Variants in ROR1 observed in about 807,000 individuals in gnomAD.
The protein encoded by ROR1 is inactive tyrosine-protein kinase transmembrane receptor ROR1.
ROR1 carries 19 observed loss-of-function variants against 78.8 expected under a neutral mutation model. That is an observed-to-expected ratio of 0.24 (90% CI 0.17 to 0.35). The LOEUF (loss-of-function observed/expected upper bound fraction) is 0.35. Among genes scored for constraint, ROR1 ranks in the 10% least tolerant of loss-of-function variants. ROR1 has a pLI of 1.00. For synonymous variants in ROR1, 386 were observed against 433.6 expected (o/e 0.89, Z 1.36); for missense variants, 917 against 1,177.8 (o/e 0.78, Z 3.24).
chr1:64,166,245 T>C (rs185298220), intron 8 of ROR1, among the ~76,000 whole-genome samples: 64 of 152,316 alleles, frequency 4.2e-4, no homozygotes, highest in African/African-American at 1.5e-3. Context: ...TCTGCACCAG[T>C]ACCATGCTCT....
chr1:64,129,702 A>G (rs1175341850), intron 4 of ROR1, among the ~76,000 whole-genome samples: 1 of 152,226 alleles, frequency 6.6e-6, no homozygotes, highest in East Asian at 1.9e-4. Flanking sequence ...TCTTTTGATT[A>G]GCAGTCTTCT....
intron 1 of ROR1, among the ~76,000 whole-genome samples, chr1:63,809,022 A>G (rs957716374): frequency 6.6e-6 from 1 of 152,280 alleles, no homozygotes; most frequent in African/African-American, 2.4e-5. Context: ...ATTCATGGCC[A>G]TTTGGAACTG....
intron 1 of ROR1, among the ~76,000 whole-genome samples, chr1:63,842,109 CAA>C (rs1291113135): frequency 6.6e-6 from 1 of 152,104 alleles, no homozygotes. Flanking sequence ...AACAAACAAA[CAA>C]AAAAACCAGA....
intron 1 of ROR1, among the ~76,000 whole-genome samples, chr1:63,967,992 T>A (rs1202238207): frequency 2.6e-5 from 4 of 152,210 alleles, no homozygotes; most frequent in Non-Finnish European, 5.9e-5. Context: ...ACAAATTCCT[T>A]CTTACATTTT....
At chr1:63,964,248 A>G (rs941045659) in intron 1 of ROR1, among the ~76,000 whole-genome samples, 16 of 152,220 alleles carry the variant, frequency 1.1e-4, no homozygotes. Context: ...TAGCAGGCAC[A>G]CAGCAAATGC....
chr1:63,880,555 C>T (rs1645315530), intron 1 of ROR1, among the ~76,000 whole-genome samples: 1 of 152,128 alleles, frequency 6.6e-6, no homozygotes, highest in African/African-American at 2.4e-5. Context: ...CAAAGTCTTT[C>T]TTTATAATCT....
intron 1 of ROR1, among the ~76,000 whole-genome samples, chr1:63,850,468 G>A (rs988675069): frequency 5.3e-5 from 8 of 152,206 alleles, no homozygotes; most frequent in South Asian, 2.1e-4. Flanking sequence ...ATGCCAGTGC[G>A]AGCTCCTTCC....
At chr1:63,893,229 G>A (rs1645411784) in intron 1 of ROR1, among the ~76,000 whole-genome samples, 1 of 152,022 alleles carries the variant, frequency 6.6e-6, no homozygotes, top group South Asian at 2.1e-4. Context: ...GCAGTGAGGC[G>A]TGAAACCTCA....
At chr1:64,023,228 A>G (rs1646579790) in intron 2 of ROR1, among the ~76,000 whole-genome samples, 1 of 152,194 alleles carries the variant, frequency 6.6e-6, no homozygotes, top group Admixed American at 6.5e-5. Context: ...GCATCGAGTC[A>G]GAGGAGCTCA....
intron 1 of ROR1, among the ~76,000 whole-genome samples, chr1:63,844,449 C>T (rs191964108): frequency 2.5e-3 from 385 of 152,180 alleles, no homozygotes; most frequent in Middle Eastern, 0.01. Context: ...GTTACTGCTG[C>T]TAGACTATCA....
In ROR1 at chr1:63,774,670, G is replaced by GCCC. The variant is rs1439010548; in HGVS notation, c.91+164_91+166dup. On this transcript the variant is annotated intron_variant, in intron 1 of 8. Transcript: ENST00000371079. This position sits in a 1 kb window ranked among gnomAD's most constrained non-coding sequence, Gnocchi z 5.7. ...CGCCGGCGCCGCCAGGCCAGGGTTT[G>GCCC]CCCCGGAGCCCCGCCAGGCCAGGGT... Among the ~76,000 whole-genome samples, 1 of 150,468 alleles carries GCCC rather than the reference G, an allele frequency of 6.6e-6. No individual in the cohort carries two copies. Among genetic ancestry groups the GCCC allele is most frequent in the African/African-American group, 2.4e-5 (1 of 41,218 alleles).
chr1:63,936,777 G>A (rs1645797501), intron 1 of ROR1, among the ~76,000 whole-genome samples: 1 of 152,150 alleles, frequency 6.6e-6, no homozygotes, highest in Non-Finnish European at 1.5e-5. Context: ...TTGCTATCAG[G>A]AACAAATGAA....
chr1:64,089,606 T>C (rs1187489167), intron 4 of ROR1, among the ~76,000 whole-genome samples: 1 of 152,212 alleles, frequency 6.6e-6, no homozygotes, highest in Non-Finnish European at 1.5e-5. Context: ...ATTGAACTCC[T>C]TTTTCATCTT....
At chr1:63,898,410 A>G (rs1645457965) in intron 1 of ROR1, among the ~76,000 whole-genome samples, 1 of 151,998 alleles carries the variant, frequency 6.6e-6, no homozygotes, top group African/African-American at 2.4e-5. Flanking sequence ...AAAAAAAGGA[A>G]AGAATAAAAG....
At chr1:64,042,391 G>A (rs1646751773) in intron 2 of ROR1, among the ~76,000 whole-genome samples, 1 of 152,146 alleles carries the variant, frequency 6.6e-6, no homozygotes, top group Admixed American at 6.5e-5. Flanking sequence ...AGGAAACTGA[G>A]GCTTAGAGAG....
intron 2 of ROR1, among the ~76,000 whole-genome samples, chr1:64,033,840 A>G (rs1646680089): frequency 6.6e-6 from 1 of 152,246 alleles, no homozygotes; most frequent in South Asian, 2.1e-4. Flanking sequence ...TAATCCGTGT[A>G]ACAGTCTGAA....
At chr1:63,880,086 C>T (rs1443631473) in intron 1 of ROR1, among the ~76,000 whole-genome samples, 1 of 152,072 alleles carries the variant, frequency 6.6e-6, no homozygotes, top group Non-Finnish European at 1.5e-5. Flanking sequence ...AAGAAATTGC[C>T]TACCATCACA....
At chr1:64,083,214 G>T (rs1647118344) in intron 4 of ROR1, among the ~76,000 whole-genome samples, 1 of 152,164 alleles carries the variant, frequency 6.6e-6, no homozygotes. Context: ...GAAACTCTGG[G>T]AAGTGTAGGA....
At chr1:64,103,790 A>G (rs1412184364) in intron 4 of ROR1, among the ~76,000 whole-genome samples, 2 of 151,716 alleles carry the variant, frequency 1.3e-5, no homozygotes, top group Non-Finnish European at 2.9e-5. Context: ...GTCTCACTTC[A>G]CCTTAAAAAA....
Sources: allele counts gnomAD v4.1 joint callset (sites outside exome capture counted in the v4.1 genomes callset), GRCh38; gene constraint gnomAD v4.1.1; non-coding constraint Gnocchi (gnomAD v3.1); transcripts MANE v1.5; gene names NCBI Gene and HGNC (gene_info 2026-07-23, HGNC 2026-07-21).